ZNF483: variants seen among roughly 807,000 people sequenced by gnomAD.
The protein encoded by ZNF483 is zinc finger protein 483.
Under a neutral mutation model 28.6 loss-of-function variants are expected in ZNF483, and 9 were observed. The ratio of observed to expected loss-of-function variants is 0.32; its 90% CI spans 0.19 to 0.55. The LOEUF is 0.55. Ranked by LOEUF, ZNF483 falls within the 20% of genes least tolerant of loss-of-function variation. The pLI is 0.93. For missense variants in ZNF483, 675 were observed against 871.7 expected (o/e 0.77, Z 2.84); for synonymous variants, 322 against 306.2 (o/e 1.05, Z -0.54).
rs1446384709 is a variant in ZNF483 at position 111,552,540 on chromosome 9, A to G, written c.*9370A>G. Among the ~76,000 whole-genome samples the G allele has an allele frequency of 2.0e-5, 3 of 152,202 alleles. No homozygotes were observed. The highest frequency in any genetic ancestry group is 7.2e-5 in the African/African-American group (3 of 41,456). ...AGTTCCATCCTTGTGATAGAAACTAACTTTTCTGTCTCTAACTGAAATTCT... is the reference window on the plus strand; with the variant it reads ...AGTTCCATCCTTGTGATAGAAACTAGCTTTTCTGTCTCTAACTGAAATTCT... On this transcript the variant is annotated 3_prime_UTR_variant, in exon 6 of 6. Coordinates refer to ENST00000309235, the MANE Select transcript of ZNF483 (RefSeq NM_133464.5).
chr9:111,536,713 C>G (rs191168987), intron 5 of ZNF483, among the ~76,000 whole-genome samples: 1 of 152,000 alleles, frequency 6.6e-6, no homozygotes, highest in Non-Finnish European at 1.5e-5. Flanking sequence ...GCACCCCCCC[C>G]GCCCCCGTAC....
intron 5 of ZNF483, among the ~76,000 whole-genome samples, chr9:111,573,431 G>T (rs1348690846): frequency 6.6e-6 from 1 of 152,168 alleles, no homozygotes; most frequent in Non-Finnish European, 1.5e-5. Context: ...CCATACAGTT[G>T]TGTGGTGGTT....
Position 111,543,542 on chromosome 9 carries a change from A to T in ZNF483, c.*372A>T, listed in dbSNP as rs1827725587. Reference sequence around the variant, plus strand: ...GTTTGCCAACCAACTTGCTGTATACACCTTGGACAAGTCATTTGACCTTTC... The same window carrying T: ...GTTTGCCAACCAACTTGCTGTATACTCCTTGGACAAGTCATTTGACCTTTC... On this transcript the variant is annotated 3_prime_UTR_variant, in exon 6 of 6. Coordinates refer to ENST00000309235, the MANE Select transcript of ZNF483 (RefSeq NM_133464.5). The T allele has an allele frequency of 1.3e-5, 13 of 1,001,904 alleles. No homozygotes were observed. The highest frequency in any genetic ancestry group is 1.5e-5 in the Non-Finnish European group (13 of 841,168). The allele number at this position is 1,001,904 out of a possible 1,614,324, so 62.1% of individuals were successfully genotyped here. A position where few individuals can be genotyped will look rare whatever the true frequency, so the allele number is the denominator to read the frequency against.
rs563894831 is a variant in ZNF483 at position 111,544,730 on chromosome 9, C to T, written c.*1560C>T. Among the ~76,000 whole-genome samples, 18 of 152,140 alleles carry T rather than the reference C, an allele frequency of 1.2e-4. No individual in the cohort carries two copies. The highest frequency in any genetic ancestry group is 3.3e-4 in the Admixed American group (5 of 15,272). On this transcript the variant is annotated 3_prime_UTR_variant, in exon 6 of 6. Transcript: ENST00000309235. Reference sequence around the variant, plus strand: ...TAAGTTTTCTTTTGTGAAATTAGACCTCAGAGGAATGGAATATACGGGTAT... The same window carrying T: ...TAAGTTTTCTTTTGTGAAATTAGACTTCAGAGGAATGGAATATACGGGTAT...
Position 111,526,921 on chromosome 9 carries a change from G to A in ZNF483, c.-128-347G>A, listed in dbSNP as rs375821428. On this transcript the variant is annotated intron_variant, in intron 1 of 5. Transcript: ENST00000309235. ...TCAAGACTAGCCTGGCCAACATGGC[G>A]AAACCCCGTCTCTACTAAAAATACA... Among the ~76,000 whole-genome samples the A allele has an allele frequency of 2.8e-4, 42 of 152,206 alleles. No homozygotes were observed. The South Asian group carries it at 8.5e-3, about 31-fold the overall frequency.
At position 111,545,387 on chromosome 9, in the gene ZNF483, G is replaced by A. The variant is rs758975826; in HGVS notation, c.*2217G>A. Among the ~76,000 whole-genome samples, 1 of 152,106 alleles carries A rather than the reference G, an allele frequency of 6.6e-6. No homozygotes were observed. Among genetic ancestry groups the A allele is most frequent in the Non-Finnish European group, 1.5e-5 (1 of 68,022 alleles). On this transcript the variant is annotated 3_prime_UTR_variant, in exon 6 of 6. Transcript: ENST00000309235. Reference sequence around the variant, plus strand: ...AATGTTTTATCCCAGTATCCATTGGGAATCTGGAGTATAAACTTTTTTTTT... The same window carrying A: ...AATGTTTTATCCCAGTATCCATTGGAAATCTGGAGTATAAACTTTTTTTTT...
At chr9:111,565,649 G>A (rs911364653) in intron 5 of ZNF483, among the ~76,000 whole-genome samples, 2 of 152,078 alleles carry the variant, frequency 1.3e-5, no homozygotes, top group Non-Finnish European at 2.9e-5. Flanking sequence ...TCAGCCTCCC[G>A]AGTAGCTGGG....
rs921043688 is a variant in ZNF483 at position 111,551,049 on chromosome 9, A to G, written c.*7879A>G. Among the ~76,000 whole-genome samples, 19 of 152,262 alleles carry G rather than the reference A, an allele frequency of 1.2e-4. No individual in the cohort carries two copies. The highest frequency in any genetic ancestry group is 4.3e-4 in the African/African-American group (18 of 41,478). ...GGTACTTCAGCACCATCCAACAGTA[A>G]TATAATGTGAGCCACATACATAATT... On this transcript the variant is annotated 3_prime_UTR_variant, in exon 6 of 6. Coordinates refer to ENST00000309235, the MANE Select transcript of ZNF483 (RefSeq NM_133464.5).
At chr9:111,562,289 T>A (rs2132312533) in intron 5 of ZNF483, among the ~76,000 whole-genome samples, 1 of 151,882 alleles carries the variant, frequency 6.6e-6, no homozygotes, top group East Asian at 1.9e-4. Flanking sequence ...TTTTTTTTTT[T>A]TTTTGAGATA....
Position 111,546,419 on chromosome 9 carries a change from T to G in ZNF483, c.*3249T>G, listed in dbSNP as rs1827808550. On this transcript the variant is annotated 3_prime_UTR_variant, in exon 6 of 6. Coordinates refer to ENST00000309235, the MANE Select transcript of ZNF483 (RefSeq NM_133464.5). ...GTATAATTGCCTGCAGGACATTCAG[T>G]CTGGCCCATCACCCAAATATTTAAA... Among the ~76,000 whole-genome samples the G allele has an allele frequency of 6.6e-6, 1 of 152,174 alleles. No homozygotes were observed. Among genetic ancestry groups the G allele is most frequent in the Non-Finnish European group, 1.5e-5 (1 of 67,992 alleles).
rs1216073660 is a variant in ZNF483 at position 111,530,865 on chromosome 9, C to T, written c.413-10C>T. On this transcript the variant is annotated splice_polypyrimidine_tract_variant and intron_variant, in intron 2 of 5. Coordinates refer to ENST00000309235, the MANE Select transcript of ZNF483 (RefSeq NM_133464.5). Reference sequence around the variant, plus strand: ...ATGAACGACTGGACTGGTTTTCTCCCCTTTCCTAGATCCAGTCTCTCAAGA... The same window carrying T: ...ATGAACGACTGGACTGGTTTTCTCCTCTTTCCTAGATCCAGTCTCTCAAGA... 1 of 1,380,728 alleles carries T rather than the reference C, an allele frequency of 7.2e-7. No homozygotes were observed. Among genetic ancestry groups the T allele is most frequent in the Non-Finnish European group, 9.7e-7 (1 of 1,034,134 alleles). 85.5% of individuals were successfully genotyped at this position (1,380,728 alleles called of 1,614,324 possible).
chr9:111,576,502 C>T (rs1208587092), exon 6 of ZNF483: 11 of 1,561,740 alleles, frequency 7.0e-6, no homozygotes, highest in East Asian at 2.3e-5. Context: ...GGCTCTGGTT[C>T]GGGGAAGAGC....
rs1445118216 is a variant in ZNF483, at chr9:111,550,322, G to A, written c.*7152G>A. Among the ~76,000 whole-genome samples the A allele has an allele frequency of 6.6e-6, 1 of 152,146 alleles. No homozygotes were observed. The highest frequency in any genetic ancestry group is 2.4e-5 in the African/African-American group (1 of 41,416). ...TGGGAGAATGGTAGCTTGCTTCTTT[G>A]TCTGCTCTTTCTCTGTGATCAGAAG... On this transcript the variant is annotated 3_prime_UTR_variant, in exon 6 of 6. Coordinates refer to ENST00000309235, the MANE Select transcript of ZNF483 (RefSeq NM_133464.5).
chr9:111,532,536 A>C (rs1455328553), intron 3 of ZNF483, among the ~76,000 whole-genome samples: 1 of 152,108 alleles, frequency 6.6e-6, no homozygotes, highest in Admixed American at 6.6e-5. Context: ...CAAGGAACAG[A>C]TTATCCCCCA....
In ZNF483 at chr9:111,543,765, C is replaced by CTTTTTTTTTTTT. The variant is rs143231263; in HGVS notation, c.*605_*606insTTTTTTTTTTTT. On this transcript the variant is annotated 3_prime_UTR_variant, in exon 6 of 6. Coordinates refer to ENST00000309235, the MANE Select transcript of ZNF483 (RefSeq NM_133464.5). The stretch of plus-strand genomic sequence containing the variant: ...CTATTCAGGATGCTGGACTTCTTTT[C>CTTTTTTTTTTTT]TTTTTTTTTTCTTTTTTTTTTTTCA... 1 of 733,520 alleles carries CTTTTTTTTTTTT rather than the reference C, an allele frequency of 1.4e-6. No homozygotes were observed. Among genetic ancestry groups the CTTTTTTTTTTTT allele is most frequent in the Non-Finnish European group, 1.6e-6 (1 of 615,812 alleles). The allele number at this position is 733,520 out of a possible 1,614,324, so 45.4% of individuals were successfully genotyped here. A position where few individuals can be genotyped will look rare whatever the true frequency, so the allele number is the denominator to read the frequency against.
At chr9:111,525,600 A>G (rs1013561132) in intron 1 of ZNF483, among the ~76,000 whole-genome samples, 1 of 152,186 alleles carries the variant, frequency 6.6e-6, no homozygotes, top group African/African-American at 2.4e-5. Context: ...CTCTCGTCCT[A>G]GTCGAGCTAA....
In ZNF483 at chr9:111,542,419, T is replaced by A; in HGVS notation, c.1484T>A (p.Phe495Tyr). The A allele has an allele frequency of 6.2e-7, 1 of 1,613,876 alleles. No homozygotes were observed. The highest frequency in any genetic ancestry group is 8.5e-7 in the Non-Finnish European group (1 of 1,179,962). Residue 495 changes from phenylalanine to tyrosine, a missense_variant, in exon 6 of 6, where the codon TTC (phenylalanine) becomes TAC (tyrosine). Physicochemically the swap from Phe to Tyr is conservative, Grantham distance 22 (BLOSUM62 3). Transcript: ENST00000309235. This position sits in a 1 kb window ranked among gnomAD's most constrained non-coding sequence, Gnocchi z 6.2. ...HHRTHSGEKPFKCDDCGKGFT... is the reference protein window; with the variant it reads ...HHRTHSGEKPYKCDDCGKGFT... Reference sequence around the variant, plus strand: ...AGAACTCATAGTGGAGAGAAACCCTTCAAATGTGATGACTGTGGGAAAGGT... The same window carrying A: ...AGAACTCATAGTGGAGAGAAACCCTACAAATGTGATGACTGTGGGAAAGGT...
Position 111,549,644 on chromosome 9 carries a change from G to C in ZNF483, c.*6474G>C, listed in dbSNP as rs1827881318. Reference sequence around the variant, plus strand: ...CTCTTCTGGGGCAGCGGTCGTGGTGGTGGTGGCAGCGGCAGCAGGGTTCCC... The same window carrying C: ...CTCTTCTGGGGCAGCGGTCGTGGTGCTGGTGGCAGCGGCAGCAGGGTTCCC... On this transcript the variant is annotated 3_prime_UTR_variant, in exon 6 of 6. Coordinates refer to ENST00000309235, the MANE Select transcript of ZNF483 (RefSeq NM_133464.5). The C allele has an allele frequency of 1.6e-6, 2 of 1,256,590 alleles. No individual in the cohort carries two copies. Among genetic ancestry groups the C allele is most frequent in the African/African-American group, 3.1e-5 (2 of 65,534 alleles). 77.8% of individuals were successfully genotyped at this position (1,256,590 alleles called of 1,614,324 possible).
In ZNF483 at chr9:111,549,738, G is replaced by T. The variant is rs1019566286; in HGVS notation, c.*6568G>T. On this transcript the variant is annotated 3_prime_UTR_variant, in exon 6 of 6. Transcript: ENST00000309235. Reference sequence around the variant, plus strand: ...CTTGCCTTCTAAGGTAATGGTGAATGATACATATTCCCTTCATTTTTCTGC... The same window carrying T: ...CTTGCCTTCTAAGGTAATGGTGAATTATACATATTCCCTTCATTTTTCTGC... 1 of 1,549,882 alleles carries T rather than the reference G, an allele frequency of 6.5e-7. No homozygotes were observed. Among genetic ancestry groups the T allele is most frequent in the Middle Eastern group, 1.7e-4 (1 of 5,990 alleles).
Sources: gnomAD v4.1 joint callset for allele counts (sites outside exome capture counted in the v4.1 genomes callset) on GRCh38, gnomAD v4.1.1 for gene constraint, Gnocchi (gnomAD v3.1) non-coding constraint, MANE v1.5 for transcripts, NCBI Gene and HGNC (gene_info 2026-07-23, HGNC 2026-07-21) for gene names.